Variants in C1QTNF8 observed in about 807,000 individuals in gnomAD.
C1QTNF8 encodes the protein complement C1q tumor necrosis factor-related protein 8.
A neutral mutation model predicts 19.2 loss-of-function variants in C1QTNF8; 27 were observed. The ratio of observed to expected loss-of-function variants is 1.41; its 90% confidence interval spans 1.04 to 1.94. The LOEUF (loss-of-function observed/expected upper bound fraction) is 1.94. C1QTNF8 is among the 30% of genes most tolerant of loss of function. The probability of loss-of-function intolerance (pLI) is 0.00; values close to 1 mark genes in which losing one functional copy is unlikely to be tolerated. For missense variants in C1QTNF8, 484 were observed against 374.4 expected, an observed-to-expected ratio of 1.29 and a Z score of -2.42; for synonymous variants, 208 against 172.8, an observed-to-expected ratio of 1.20 and a Z score of -1.60.
In C1QTNF8 at chr16:1,088,399, C is replaced by T. The variant is rs558906993; in HGVS notation, c.*2200G>A. The stretch of plus-strand genomic sequence containing the variant: ...ACTCATGATTAAAGCCAGCACGGGC[C>T]GACCACGGGGGTGCCCGGTGCGGTT... On this transcript the variant is annotated 3_prime_UTR_variant, in exon 5 of 5. Transcript: ENST00000328449. Among the ~76,000 whole-genome samples the T allele has an allele frequency of 2.0e-5, 3 of 152,282 alleles. No individual in the cohort carries two copies. Among genetic ancestry groups the T allele is most frequent in the South Asian group, 2.1e-4 (1 of 4,818 alleles).
At chr16:1,094,461 G>C (rs1182342415) in intron 3 of C1QTNF8, 1 of 486,586 alleles carries the variant, frequency 2.1e-6, no homozygotes, top group African/African-American at 2.0e-5. Context: ...CTACTTTGGG[G>C]ATCTCAGGAA....
rs963713031 is a variant in C1QTNF8 at position 1,088,868 on chromosome 16, G to A, written c.*1731C>T. ...GCAACTACCTATAGGCCACGGCGAC[G>A]TCTGTGCGGGGAGGTCCAGCCTGTC... On this transcript the variant is annotated 3_prime_UTR_variant, in exon 5 of 5. Coordinates refer to ENST00000328449, the MANE Select transcript of C1QTNF8 (RefSeq NM_207419.3). Among the ~76,000 whole-genome samples the A allele has an allele frequency of 1.2e-4, 10 of 84,796 alleles. No homozygotes were observed. Among genetic ancestry groups the A allele is most frequent in the African/African-American group, 5.7e-4 (9 of 15,672 alleles). The allele number at this position is 84,796 out of a possible 152,430, so 55.6% of individuals were successfully genotyped here.
At chr16:1,095,260 G>T (rs1365497758) in intron 2 of C1QTNF8, among the ~76,000 whole-genome samples, 2 of 152,234 alleles carry the variant, frequency 1.3e-5, no homozygotes, top group Non-Finnish European at 2.9e-5. Flanking sequence ...CTCAGGAGCG[G>T]GTAGCCGCCC....
chr16:1,090,952 C>G (rs1247324700), intron 4 of C1QTNF8, among the ~76,000 whole-genome samples: 1 of 152,216 alleles, frequency 6.6e-6, no homozygotes, highest in Non-Finnish European at 1.5e-5. Flanking sequence ...CTGGCCCCAC[C>G]CTGCAGGGTG....
chr16:1,094,194 C>G, intron 3 of C1QTNF8, 143 bp from the exon 4 acceptor site: 1 of 652,648 alleles, frequency 1.5e-6, no homozygotes, highest in Middle Eastern at 4.4e-4. Flanking sequence ...CCAGTCTCCG[C>G]GTCCACGTCT....
chr16:1,093,855 C>T lies in C1QTNF8; in HGVS notation c.405G>A (p.Ala135=), dbSNP rs1363690859. 2.5e-6 allele frequency: 4 copies of T among 1,603,770 alleles called. No individual in the cohort carries two copies. Among genetic ancestry groups the T allele is most frequent in the Non-Finnish European group, 3.4e-6 (4 of 1,178,518 alleles). ...EGLHSSDHFQ[A]VPFDTELVNL... is the part of the protein sequence containing the mutation. Reference sequence around the variant, plus strand: ...TCACCAGCTCCGTGTCGAAGGGCACCGCCTGGAAGTGGTCGGAGCTGTGCA... The same window carrying T: ...TCACCAGCTCCGTGTCGAAGGGCACTGCCTGGAAGTGGTCGGAGCTGTGCA... The change falls in exon 4 of 5, where the codon GCG becomes GCA. Residue 135 remains alanine (A), a synonymous_variant. Transcript: ENST00000328449.
chr16:1,094,757 G>GCCCCCTCCACAGGTC lies in C1QTNF8; in HGVS notation c.151_165dup (p.Asp51_Gly55dup). On this transcript the variant is annotated inframe_insertion, in exon 3 of 5. Coordinates refer to ENST00000328449, the MANE Select transcript of C1QTNF8 (RefSeq NM_207419.3). ...TCTATAGTGGGCCGTACTCGAGGCAGCCCCCTCCACAGGTCCCCCCTCCAC... is the reference window on the plus strand; with the variant it reads ...TCTATAGTGGGCCGTACTCGAGGCAGCCCCCTCCACAGGTCCCCCCTCCACAGGTCCCCCCTCCAC... 3 of 1,558,182 alleles carry GCCCCCTCCACAGGTC rather than the reference G, an allele frequency of 1.9e-6. No individual in the cohort carries two copies. The highest frequency in any genetic ancestry group is 2.6e-6 in the Non-Finnish European group (3 of 1,154,664).
chr16:1,095,128 C>A (rs1960657544), intron 2 of C1QTNF8, among the ~76,000 whole-genome samples, 195 bp from the exon 3 acceptor site: 1 of 152,352 alleles, frequency 6.6e-6, no homozygotes, highest in Middle Eastern at 3.4e-3. Context: ...CTCTGGGCCG[C>A]ACCAGGCACC....
At chr16:1,091,110 G>A (rs993610107) in intron 4 of C1QTNF8, among the ~76,000 whole-genome samples, 2 of 152,154 alleles carry the variant, frequency 1.3e-5, no homozygotes, top group African/African-American at 2.4e-5. Flanking sequence ...TGGGCGAGCC[G>A]GGCACTCCAT....
chr16:1,094,174 G>C, intron 3 of C1QTNF8, 123 bp from the exon 4 acceptor site: 2 of 753,740 alleles, frequency 2.7e-6, no homozygotes, highest in Non-Finnish European at 3.8e-6. Flanking sequence ...TGCAAGTGAC[G>C]GCCCCTCTCC....
At chr16:1,093,319 ACAGT>A (rs1290381374) in intron 4 of C1QTNF8, among the ~76,000 whole-genome samples, 174 bp downstream of exon 4, 1 of 141,940 alleles carries the variant, frequency 7.0e-6, no homozygotes, top group African/African-American at 2.8e-5. Context: ...ATCCCTGCAC[ACAGT>A]CAGCGCTCAA....
Position 1,093,617 on chromosome 16 carries a change from CGCCCGCCGCCAGCAGCAGCATCAG to C in C1QTNF8, c.619_642del (p.Leu207_Gly214del). 1 of 1,605,654 alleles carries C rather than the reference CGCCCGCCGCCAGCAGCAGCATCAG, an allele frequency of 6.2e-7. No individual in the cohort carries two copies. ...TGGAACATGCGCACCCAGACGGCGT[CGCCCGCCGCCAGCAGCAGCATCAG>C]GCTCTGGGCCTGCATGACGCTGCGC... On this transcript the variant is annotated inframe_deletion, in exon 4 of 5. Transcript: ENST00000328449.
At chr16:1,093,412 ACCCACACCCACC>A in intron 4 of C1QTNF8, 73 bp downstream of exon 4, 1 of 502,930 alleles carries the variant, frequency 2.0e-6, no homozygotes, top group South Asian at 2.4e-5. Context: ...ACACACACAC[ACCCACACCCACC>A]CCCACACACA....
At chr16:1,091,595 A>G (rs962794547) in intron 4 of C1QTNF8, among the ~76,000 whole-genome samples, 1 of 152,076 alleles carries the variant, frequency 6.6e-6, no homozygotes, top group Non-Finnish European at 1.5e-5. Context: ...CACACTCCCA[A>G]ATGGGGCCCT....
At position 1,088,413 on chromosome 16, in the gene C1QTNF8, C is replaced by A. The variant is rs1016567933; in HGVS notation, c.*2186G>T. Among the ~76,000 whole-genome samples the A allele has an allele frequency of 2.0e-5, 3 of 152,184 alleles. No homozygotes were observed. The highest frequency in any genetic ancestry group is 4.4e-5 in the Non-Finnish European group (3 of 68,030). On this transcript the variant is annotated 3_prime_UTR_variant, in exon 5 of 5. Coordinates refer to ENST00000328449, the MANE Select transcript of C1QTNF8 (RefSeq NM_207419.3). ...CCAGCACGGGCCGACCACGGGGGTG[C>A]CCGGTGCGGTTCTGATGGGGTGGCT...
At position 1,088,965 on chromosome 16, in the gene C1QTNF8, C is replaced by G. The variant is rs892265675; in HGVS notation, c.*1634G>C. On this transcript the variant is annotated 3_prime_UTR_variant, in exon 5 of 5. Coordinates refer to ENST00000328449, the MANE Select transcript of C1QTNF8 (RefSeq NM_207419.3). The stretch of plus-strand genomic sequence containing the variant: ...GTCCTTGGCTGGGCCTGGTGACGGG[C>G]ACTTTCTGAGCTCCCTGGTGCAGGG... Among the ~76,000 whole-genome samples, 8 of 152,186 alleles carry G rather than the reference C, an allele frequency of 5.3e-5. No individual in the cohort carries two copies. The highest frequency in any genetic ancestry group is 8.8e-5 in the Non-Finnish European group (6 of 68,032).
chr16:1,091,038 C>T (rs1960533741), intron 4 of C1QTNF8, among the ~76,000 whole-genome samples: 1 of 152,116 alleles, frequency 6.6e-6, no homozygotes, highest in Non-Finnish European at 1.5e-5. Flanking sequence ...AGAGATTGGT[C>T]AGTACTGGTG....
rs1471389459 is a variant in C1QTNF8 at position 1,094,761 on chromosome 16, C to T, written c.162G>A (p.Arg54=). The T allele has an allele frequency of 1.9e-6, 3 of 1,555,014 alleles. No individual in the cohort carries two copies. Among genetic ancestry groups the T allele is most frequent in the East Asian group, 2.5e-5 (1 of 39,886 alleles). ...TAGTGGGCCGTACTCGAGGCAGCCC[C>T]CTCCACAGGTCCCCCCTCCACAGGT... is the stretch of plus-strand genomic sequence containing the variant. ...DRDLWRGDLW[R]GLPRVRPTID... The change falls in exon 3 of 5, where the codon AGG becomes AGA. Residue 54 remains arginine, a synonymous_variant. Transcript: ENST00000328449.
At chr16:1,094,616 C>T in intron 3 of C1QTNF8, 99 bp downstream of exon 3, 4 of 939,908 alleles carry the variant, frequency 4.3e-6, no homozygotes, top group South Asian at 3.4e-5. Context: ...GCTCAGCGTG[C>T]CCCTCCCGCC....
Sources: allele counts gnomAD v4.1 joint callset (sites outside exome capture counted in the v4.1 genomes callset), GRCh38; gene constraint gnomAD v4.1.1; transcripts MANE v1.5; gene names NCBI Gene and HGNC (gene_info 2026-07-23, HGNC 2026-07-21).